The following MAP2K5 variants were observed in gnomAD, a reference collection of about 807,000 sequenced individuals.
MAP2K5 encodes the protein mitogen-activated protein kinase kinase 5.
Under a neutral mutation model 83.1 loss-of-function variants are expected in MAP2K5, and 49 were observed. The ratio of observed to expected loss-of-function variants is 0.59; its 90% CI spans 0.47 to 0.75. MAP2K5 has a LOEUF of 0.75. Ranked by LOEUF, MAP2K5 falls within the 30% of genes least tolerant of loss-of-function variation. MAP2K5 has a pLI of 0.00. For synonymous variants in MAP2K5, 202 were observed against 191.8 expected, an observed-to-expected ratio of 1.05 and a Z score of -0.44; for missense variants, 457 against 557.5, an observed-to-expected ratio of 0.82 and a Z score of 1.82.
intron 3 of MAP2K5, among the ~76,000 whole-genome samples, chr15:67,575,758 G>C (rs934435582): frequency 6.6e-6 from 1 of 152,044 alleles, no homozygotes; most frequent in Admixed American, 6.6e-5. Flanking sequence ...TATAGAATAG[G>C]ATAGGATTGT....
rs919050593 is a variant in MAP2K5 at position 67,760,383 on chromosome 15, TAAAA to T, written c.1135-9214_1135-9211del. Among the ~76,000 whole-genome samples, 1 of 152,008 alleles carries T rather than the reference TAAAA, an allele frequency of 6.6e-6. No homozygotes were observed. Among genetic ancestry groups the T allele is most frequent in the East Asian group, 1.9e-4 (1 of 5,202 alleles). Reference sequence around the variant, plus strand: ...GAAGGATGTACAAAGTCACTTGAAGTAAAAAAAAGTTTTTTTAAACACACAATTA... The same window carrying T: ...GAAGGATGTACAAAGTCACTTGAAGTAAAAGTTTTTTTAAACACACAATTA... On this transcript the variant is annotated intron_variant, in intron 19 of 21. Transcript: ENST00000178640. The surrounding 1 kb of genome is among the most constrained non-coding windows in gnomAD (Gnocchi z 4.1).
chr15:67,560,528 G>T (rs1228654053), intron 2 of MAP2K5, among the ~76,000 whole-genome samples: 2 of 152,224 alleles, frequency 1.3e-5, no homozygotes, highest in Non-Finnish European at 2.9e-5. Flanking sequence ...TTATTAGAAT[G>T]CCTCTTTCAA....
At chr15:67,733,022 A>C (rs1163013924) in intron 17 of MAP2K5, among the ~76,000 whole-genome samples, 1 of 152,202 alleles carries the variant, frequency 6.6e-6, no homozygotes, top group Non-Finnish European at 1.5e-5. Context: ...GGGCTTTGCA[A>C]GGGAAGTGCA....
Position 67,690,321 on chromosome 15 carries a change from G to C in MAP2K5, c.848-2158G>C, listed in dbSNP as rs1422491897. ...TTGTGCTAACTACTGGGGCACACTT[G>C]AAAGCACAACCCTGTTCTTAAGGAA... On this transcript the variant is annotated intron_variant, in intron 13 of 21. Coordinates refer to ENST00000178640, the MANE Select transcript of MAP2K5 (RefSeq NM_145160.3). The surrounding 1 kb of genome is among the most constrained non-coding windows in gnomAD (Gnocchi z 4.3). 6.6e-6 allele frequency among the ~76,000 whole-genome samples: 1 copy of C among 152,162 alleles called. No individual in the cohort carries two copies. The highest frequency in any genetic ancestry group is 1.5e-5 in the Non-Finnish European group (1 of 68,030).
chr15:67,691,351 C>T (rs1404321745), intron 13 of MAP2K5, among the ~76,000 whole-genome samples: 1 of 152,200 alleles, frequency 6.6e-6, no homozygotes, highest in Non-Finnish European at 1.5e-5. Context: ...AAATGCCAAG[C>T]ACATTGCCTG....
chr15:67,571,233 A>T (rs1218047118), intron 3 of MAP2K5, among the ~76,000 whole-genome samples: 1 of 152,190 alleles, frequency 6.6e-6, no homozygotes, highest in Non-Finnish European at 1.5e-5. Flanking sequence ...AATTCACATA[A>T]TGCAGCATTT....
intron 8 of MAP2K5, 125 bp downstream of exon 8, chr15:67,600,874 A>G (rs2085644637): frequency 1.6e-6 from 1 of 643,862 alleles, no homozygotes. Flanking sequence ...TTTGACTCCA[A>G]AATTCTGCAA....
intron 8 of MAP2K5, among the ~76,000 whole-genome samples, chr15:67,627,268 A>T (rs1177601957): frequency 6.6e-6 from 1 of 152,164 alleles, no homozygotes; most frequent in South Asian, 2.1e-4. Context: ...TTTTATAAGT[A>T]GTATTTAGAA....
chr15:67,709,147 C>T (rs2088629277), intron 16 of MAP2K5, among the ~76,000 whole-genome samples: 1 of 152,274 alleles, frequency 6.6e-6, no homozygotes, highest in Admixed American at 6.5e-5. Flanking sequence ...TAGTTCCCCT[C>T]CTGTGGATTA....
At chr15:67,681,542 A>G (rs375439419) in intron 13 of MAP2K5, among the ~76,000 whole-genome samples, 2 of 152,338 alleles carry the variant, frequency 1.3e-5, no homozygotes, top group East Asian at 3.9e-4. Context: ...TGAAAAAAGG[A>G]GTATTGGATA....
At position 67,572,212 on chromosome 15, in the gene MAP2K5, G is replaced by A. The variant is rs2084961786; in HGVS notation, c.253-8542G>A. ...TAAAGAATGCCTGGTGAGTCAGTAG[G>A]AGCTGCCTGTGATTCAGTCTGTATG... is the stretch of plus-strand genomic sequence containing the variant. On this transcript the variant is annotated intron_variant, in intron 3 of 21. Coordinates refer to ENST00000178640, the MANE Select transcript of MAP2K5 (RefSeq NM_145160.3). The surrounding 1 kb of genome is among the most constrained non-coding windows in gnomAD (Gnocchi z 4.2). 6.6e-6 allele frequency among the ~76,000 whole-genome samples: 1 copy of A among 152,156 alleles called. No individual in the cohort carries two copies. Among genetic ancestry groups the A allele is most frequent in the African/African-American group, 2.4e-5 (1 of 41,422 alleles).
chr15:67,744,168 T>C (rs950361027), intron 17 of MAP2K5, among the ~76,000 whole-genome samples: 2 of 152,206 alleles, frequency 1.3e-5, no homozygotes, highest in African/African-American at 4.8e-5. Flanking sequence ...CAGTTTCCCA[T>C]AATCCCTGTT....
Position 67,778,178 on chromosome 15 carries a change from A to G in MAP2K5, c.1242+5426A>G, listed in dbSNP as rs1032922167. ...TTTAATTACTTACTAAGAGATGTTA[A>G]CTTGTTTAACTCCTCTAAATTAAAT... On this transcript the variant is annotated intron_variant, in intron 21 of 21. Coordinates refer to ENST00000178640, the MANE Select transcript of MAP2K5 (RefSeq NM_145160.3). The surrounding 1 kb of genome is among the most constrained non-coding windows in gnomAD (Gnocchi z 5.0). Among the ~76,000 whole-genome samples, 4 of 152,234 alleles carry G rather than the reference A, an allele frequency of 2.6e-5. No individual in the cohort carries two copies. The highest frequency in any genetic ancestry group is 9.6e-5 in the African/African-American group (4 of 41,466).
chr15:67,772,371 A>C (rs2090158353), intron 20 of MAP2K5, among the ~76,000 whole-genome samples: 2 of 152,262 alleles, frequency 1.3e-5, no homozygotes, highest in Non-Finnish European at 2.9e-5. Flanking sequence ...AATTGAGTCA[A>C]TAAGAGAATA....
intron 15 of MAP2K5, among the ~76,000 whole-genome samples, chr15:67,696,975 G>C (rs1294589985): frequency 6.6e-6 from 1 of 152,098 alleles, no homozygotes; most frequent in East Asian, 1.9e-4. Context: ...GTGAAACTCA[G>C]TCTCAAAAAG....
At chr15:67,653,662 C>A (rs1332994708) in intron 11 of MAP2K5, among the ~76,000 whole-genome samples, 2 of 150,708 alleles carry the variant, frequency 1.3e-5, no homozygotes, top group African/African-American at 4.9e-5. Flanking sequence ...ATTTTTTTTT[C>A]TATTCTCTGT....
At chr15:67,633,686 A>G (rs2086526877) in intron 9 of MAP2K5, among the ~76,000 whole-genome samples, 1 of 152,242 alleles carries the variant, frequency 6.6e-6, no homozygotes. Context: ...TTCACTTTGT[A>G]TCTCTAGATT....
chr15:67,670,656 G>A (rs552047813), intron 13 of MAP2K5, among the ~76,000 whole-genome samples: 1 of 151,730 alleles, frequency 6.6e-6, no homozygotes, highest in Admixed American at 6.6e-5. Context: ...CATGGTTCCT[G>A]ACAAATCCTA....
intron 3 of MAP2K5, among the ~76,000 whole-genome samples, chr15:67,567,412 C>T (rs989884038): frequency 8.2e-5 from 12 of 147,066 alleles, no homozygotes; most frequent in Non-Finnish European, 1.6e-4. Flanking sequence ...GGCCGGACTG[C>T]GGACTGCAGT....
Sources: gnomAD v4.1 joint callset for allele counts (sites outside exome capture counted in the v4.1 genomes callset) on GRCh38, gnomAD v4.1.1 for gene constraint, Gnocchi (gnomAD v3.1) non-coding constraint, MANE v1.5 for transcripts, NCBI Gene and HGNC (gene_info 2026-07-23, HGNC 2026-07-21) for gene names.